The following ADAMTSL1 variants were observed in gnomAD, a reference collection of about 807,000 sequenced individuals.
ADAMTSL1 encodes the protein ADAMTS like 1.
Under a neutral mutation model 201.8 loss-of-function variants are expected in ADAMTSL1, and 126 were observed. The ratio of observed to expected loss-of-function variants is 0.62; its 90% confidence interval spans 0.54 to 0.72. ADAMTSL1 has a LOEUF of 0.72. Among genes scored for constraint, ADAMTSL1 ranks in the 30% least tolerant of loss-of-function variants. The pLI is 0.00. For missense variants in ADAMTSL1, 2,679 were observed against 2,277.8 expected (o/e 1.18, Z -3.59); for synonymous variants, 1,121 against 903.4 (o/e 1.24, Z -4.32).
At chr9:18,096,217 G>A (rs1160616999) in intron 1 of ADAMTSL1, among the ~76,000 whole-genome samples, 4 of 152,112 alleles carry the variant, frequency 2.6e-5, no homozygotes, top group Non-Finnish European at 5.9e-5. Flanking sequence ...TTTTCATCAA[G>A]TAGAATTGTT....
At chr9:18,818,109 T>G (rs1267645464) in intron 21 of ADAMTSL1, among the ~76,000 whole-genome samples, 1 of 152,226 alleles carries the variant, frequency 6.6e-6, no homozygotes, top group Non-Finnish European at 1.5e-5. Context: ...CTACTATTTT[T>G]CCCTTCATGT....
chr9:18,420,149 T>TTA (rs1818877003), intron 2 of ADAMTSL1, among the ~76,000 whole-genome samples: 2 of 152,232 alleles, frequency 1.3e-5, no homozygotes, highest in African/African-American at 4.8e-5. Context: ...GCCATTACTT[T>TTA]TAATGGTGAA....
chr9:18,330,194 CAA>C (rs1834974878), intron 2 of ADAMTSL1, among the ~76,000 whole-genome samples: 1 of 152,124 alleles, frequency 6.6e-6, no homozygotes, highest in African/African-American at 2.4e-5. Flanking sequence ...GTTTGGAGGA[CAA>C]GAGAGAGTTT....
At chr9:18,558,510 T>G (rs534613506) in intron 3 of ADAMTSL1, among the ~76,000 whole-genome samples, 38 of 152,328 alleles carry the variant, frequency 2.5e-4, no homozygotes, top group African/African-American at 8.7e-4. Context: ...TTTATAATCC[T>G]TTGGGTATAT....
At chr9:17,959,001 T>C (rs759148348) in intron 1 of ADAMTSL1, among the ~76,000 whole-genome samples, 7 of 152,156 alleles carry the variant, frequency 4.6e-5, no homozygotes, top group Non-Finnish European at 1.0e-4. Context: ...TCAAAGTCTT[T>C]TCTAATATTG....
chr9:18,314,782 C>CTCTTTTTTTTTTTTTTTTTTTTTT (rs1834302245), intron 2 of ADAMTSL1, among the ~76,000 whole-genome samples: 1 of 49,840 alleles, frequency 2.0e-5, no homozygotes, highest in Admixed American at 3.1e-4. Context: ...CGGCAGCGTG[C>CTCTTTTTTTTTTTTTTTTTTTTTT]TTTTTTTTTT....
At chr9:18,433,312 G>A (rs1042620552) in intron 2 of ADAMTSL1, among the ~76,000 whole-genome samples, 6 of 151,982 alleles carry the variant, frequency 3.9e-5, no homozygotes, top group East Asian at 3.8e-4. Flanking sequence ...CAATGTGTGC[G>A]TTCTTTCCCC....
intron 1 of ADAMTSL1, among the ~76,000 whole-genome samples, chr9:17,995,822 C>G (rs527429747): frequency 6.6e-6 from 1 of 151,490 alleles, no homozygotes; most frequent in Admixed American, 6.6e-5. Context: ...AATGCTGGTG[C>G]TGGAAATAGA....
In ADAMTSL1 at chr9:18,614,897, T is replaced by TA. The variant is rs545629488; in HGVS notation, c.475-7346_475-7345insA. Among the ~76,000 whole-genome samples the TA allele has an allele frequency of 1.9e-3, 286 of 152,302 alleles. 4 individuals carry two copies. The highest frequency in any genetic ancestry group is 0.011 in the South Asian group (51 of 4,826). On this transcript the variant is annotated intron_variant, in intron 4 of 28. Transcript: ENST00000380548. Reference sequence around the variant, plus strand: ...CACAAAGGAGCCCTTTATTTTTTTTTTCCTATGGGCCTTGTGTTTTGGAAG... The same window carrying TA: ...CACAAAGGAGCCCTTTATTTTTTTTTATCCTATGGGCCTTGTGTTTTGGAAG...
chr9:18,350,550 A>G, intron 2 of ADAMTSL1, among the ~76,000 whole-genome samples: 1 of 152,254 alleles, frequency 6.6e-6, no homozygotes, highest in Admixed American at 6.5e-5. Context: ...GTTCAAGTCT[A>G]GAAATACAAG....
chr9:17,964,090 C>T (rs1044977875), intron 1 of ADAMTSL1, among the ~76,000 whole-genome samples: 1 of 152,092 alleles, frequency 6.6e-6, no homozygotes, highest in Non-Finnish European at 1.5e-5. Flanking sequence ...TCCTTGACCA[C>T]CTGCTGTTTG....
chr9:18,533,332 T>C (rs1421019363), intron 3 of ADAMTSL1, 40 bp downstream of exon 3: 1 of 1,571,896 alleles, frequency 6.4e-7, no homozygotes, highest in South Asian at 1.2e-5. Flanking sequence ...TGTATTTTTG[T>C]TAGCACTGAA....
chr9:17,961,292 A>G (rs888040286), intron 1 of ADAMTSL1, among the ~76,000 whole-genome samples: 4 of 152,080 alleles, frequency 2.6e-5, no homozygotes, highest in Non-Finnish European at 5.9e-5. Flanking sequence ...CTTGTTGCCC[A>G]GGCTGGAGTG....
chr9:17,969,755 A>T (rs549632527), intron 1 of ADAMTSL1, among the ~76,000 whole-genome samples: 2 of 152,190 alleles, frequency 1.3e-5, no homozygotes, highest in East Asian at 3.9e-4. Flanking sequence ...GTTGAATATT[A>T]GATAATTTTT....
chr9:18,074,491 C>CTTTTA (rs1182566100), intron 1 of ADAMTSL1, among the ~76,000 whole-genome samples: 4 of 87,852 alleles, frequency 4.6e-5, no homozygotes, highest in African/African-American at 1.9e-4. Context: ...CTTTTCTTTT[C>CTTTTA]TTTTCTTTTC....
chr9:18,115,840 A>G (rs1825227378), intron 1 of ADAMTSL1, among the ~76,000 whole-genome samples: 1 of 152,186 alleles, frequency 6.6e-6, no homozygotes, highest in Admixed American at 6.5e-5. Flanking sequence ...GTCTGGCTAC[A>G]AAGTTTATGC....
intron 19 of ADAMTSL1, among the ~76,000 whole-genome samples, chr9:18,784,828 C>A (rs1051911422): frequency 2.0e-5 from 3 of 152,142 alleles, no homozygotes; most frequent in Non-Finnish European, 4.4e-5. Context: ...AGTTGAAGCA[C>A]GGAGATGTTA....
intron 1 of ADAMTSL1, among the ~76,000 whole-genome samples, chr9:18,475,284 A>C (rs1474902708): frequency 1.3e-5 from 2 of 152,198 alleles, no homozygotes; most frequent in Non-Finnish European, 2.9e-5. Flanking sequence ...GTAGCAAATG[A>C]ATAGGTTGCA....
intron 1 of ADAMTSL1, among the ~76,000 whole-genome samples, chr9:17,992,437 G>A (rs183523968): frequency 3.3e-5 from 5 of 152,268 alleles, no homozygotes; most frequent in Non-Finnish European, 7.4e-5. Context: ...GCCAGTGATG[G>A]TTTTGAAGGT....
Sources: allele counts gnomAD v4.1 joint callset (sites outside exome capture counted in the v4.1 genomes callset), GRCh38; gene constraint gnomAD v4.1.1; transcripts MANE v1.5; gene names NCBI Gene and HGNC (gene_info 2026-07-23, HGNC 2026-07-21).